The following IRAK1BP1 variants were observed in gnomAD, a reference collection of about 807,000 sequenced individuals.
IRAK1BP1 encodes interleukin 1 receptor associated kinase 1 binding protein 1, also known as interleukin-1 receptor-associated kinase 1-binding protein 1.
Under a neutral mutation model 28.0 loss-of-function variants are expected in IRAK1BP1, and 24 were observed. The observed-to-expected ratio is 0.86, with a 90% CI of 0.62 to 1.20. IRAK1BP1 has a LOEUF of 1.20. IRAK1BP1 is among the 50% of genes most tolerant of loss of function. The pLI is 0.00. For synonymous variants in IRAK1BP1, 131 were observed against 116.3 expected (o/e 1.13, Z -0.81); for missense variants, 336 against 316.7 (o/e 1.06, Z -0.46).
intron 1 of IRAK1BP1, chr6:78,871,909 C>T: frequency 1.9e-6 from 1 of 528,888 alleles, no homozygotes; most frequent in East Asian, 3.2e-5. Context: ...GGCCCAGCTT[C>T]CATCTGACAA....
At chr6:78,954,987 A>C in the IRAK1BP1 span, 1 of 1,496,350 alleles carries the variant, frequency 6.7e-7, no homozygotes, top group Admixed American at 2.4e-5. Flanking sequence ...GTTCAAATAT[A>C]TTAATAAAAG....
At chr6:78,916,277 G>T (rs1222477804) in intron 4 of IRAK1BP1, among the ~76,000 whole-genome samples, 2 of 151,744 alleles carry the variant, frequency 1.3e-5, no homozygotes, top group East Asian at 1.9e-4. Context: ...CCTATTTCTT[G>T]CCTCAGTTTT....
chr6:78,972,713 G>A, the IRAK1BP1 span, among the ~76,000 whole-genome samples: 1 of 152,140 alleles, frequency 6.6e-6, no homozygotes, highest in Non-Finnish European at 1.5e-5. Flanking sequence ...ACCAAGGCTC[G>A]AGAACTATGT....
rs1772151776 is a variant in IRAK1BP1 at position 78,902,823 on chromosome 6, A to G, written c.*4489A>G. 1.8e-6 allele frequency: 1 copy of G among 550,472 alleles called. No individual in the cohort carries two copies. The highest frequency in any genetic ancestry group is 3.2e-6 in the Non-Finnish European group (1 of 309,320). The allele number at this position is 550,472 out of a possible 1,614,324, so 34.1% of individuals were successfully genotyped here. On this transcript the variant is annotated 3_prime_UTR_variant, in exon 4 of 4. Coordinates refer to ENST00000369940, the MANE Select transcript of IRAK1BP1 (RefSeq NM_001010844.4). Reference sequence around the variant, plus strand: ...ACATACATACATACATACATACATAAAATGCCCAGTATCTTACAAGACTGT... The same window carrying G: ...ACATACATACATACATACATACATAGAATGCCCAGTATCTTACAAGACTGT...
intron 4 of IRAK1BP1, among the ~76,000 whole-genome samples, chr6:78,942,736 C>T (rs1013507595): frequency 6.6e-6 from 1 of 152,108 alleles, no homozygotes; most frequent in Non-Finnish European, 1.5e-5. Context: ...TACAAGGGTT[C>T]TAAATATCCA....
intron 4 of IRAK1BP1, among the ~76,000 whole-genome samples, chr6:78,921,545 A>C (rs143459041): frequency 6.6e-6 from 1 of 152,206 alleles, no homozygotes; most frequent in East Asian, 1.9e-4. Flanking sequence ...GCAGACTTAA[A>C]TGTCCCTGTC....
intron 1 of IRAK1BP1, among the ~76,000 whole-genome samples, chr6:78,876,589 A>G (rs1053737047): frequency 2.6e-5 from 4 of 152,136 alleles, no homozygotes; most frequent in African/African-American, 9.7e-5. Context: ...TGGATTGGAT[A>G]ACTCGTTGTT....
At chr6:78,924,662 A>C (rs9688928) in intron 4 of IRAK1BP1, among the ~76,000 whole-genome samples, 26,597 of 152,202 alleles carry the variant, frequency 0.17, 2,804 homozygotes, top group Admixed American at 0.24. Context: ...TGATGCAAAA[A>C]TCCTTCATAA....
At chr6:78,871,282 T>C in intron 1 of IRAK1BP1, 1 of 985,324 alleles carries the variant, frequency 1.0e-6, no homozygotes, top group Non-Finnish European at 1.2e-6. Flanking sequence ...AGTGTTTCGG[T>C]CACTCAGGAT....
intron 4 of IRAK1BP1, chr6:78,945,155 C>T: frequency 3.2e-6 from 2 of 629,522 alleles, no homozygotes; most frequent in Non-Finnish European, 5.7e-6. Flanking sequence ...ACAATAATAG[C>T]TCATTGCAGT....
At chr6:78,959,805 C>T in the IRAK1BP1 span, among the ~76,000 whole-genome samples, 1 of 152,122 alleles carries the variant, frequency 6.6e-6, no homozygotes, top group Non-Finnish European at 1.5e-5. Flanking sequence ...AGATGTTCCT[C>T]AACTAACGAT....
At chr6:78,920,821 AAT>A (rs555254093) in intron 4 of IRAK1BP1, among the ~76,000 whole-genome samples, 1 of 151,618 alleles carries the variant, frequency 6.6e-6, no homozygotes. Context: ...GTGCATAGCA[AAT>A]ATATATATAT....
chr6:78,896,204 T>A (rs778258512), intron 2 of IRAK1BP1, among the ~76,000 whole-genome samples: 9 of 152,022 alleles, frequency 5.9e-5, no homozygotes, highest in Non-Finnish European at 1.3e-4. Flanking sequence ...CTCAGCCAGC[T>A]TTTCAAAAAA....
chr6:78,970,666 C>T, the IRAK1BP1 span: 8 of 665,756 alleles, frequency 1.2e-5, no homozygotes, highest in Admixed American at 2.5e-4. Flanking sequence ...TTCAATTAAA[C>T]AAGGTATCTT....
chr6:78,946,939 CTGTAA>C (rs1773854232), downstream of IRAK1BP1: 1 of 889,598 alleles, frequency 1.1e-6, no homozygotes, highest in South Asian at 1.7e-5. Context: ...TCAGTAAATA[CTGTAA>C]TGTAAATATT....
chr6:78,965,094 A>G, the IRAK1BP1 span, among the ~76,000 whole-genome samples: 1 of 152,150 alleles, frequency 6.6e-6, no homozygotes, highest in Non-Finnish European at 1.5e-5. Flanking sequence ...GTCAGGCCAT[A>G]TGCATAATGA....
chr6:78,872,113 C>A (rs1330088165), intron 1 of IRAK1BP1: 4 of 701,288 alleles, frequency 5.7e-6, no homozygotes, highest in African/African-American at 5.2e-5. Context: ...CATCTTCACC[C>A]CTTGGGGTCG....
At chr6:78,933,970 T>A (rs962525916) in intron 4 of IRAK1BP1, among the ~76,000 whole-genome samples, 1 of 152,210 alleles carries the variant, frequency 6.6e-6, no homozygotes, top group Admixed American at 6.5e-5. Flanking sequence ...TGACATGCCT[T>A]TTTCACTAAG....
At chr6:78,945,987 A>G (rs762602704) in exon 5 of IRAK1BP1, 12 of 1,579,772 alleles carry the variant, frequency 7.6e-6, no homozygotes, top group Non-Finnish European at 1.0e-5. Flanking sequence ...TTCAATTTAG[A>G]AAGTGAGTCT....
Sources: allele counts gnomAD v4.1 joint callset (sites outside exome capture counted in the v4.1 genomes callset), GRCh38; gene constraint gnomAD v4.1.1; transcripts MANE v1.5; gene names NCBI Gene and HGNC (gene_info 2026-07-23, HGNC 2026-07-21).